The following ZFHX3 variants were observed in gnomAD, a reference collection of about 807,000 sequenced individuals.
The protein encoded by ZFHX3 is zinc finger homeobox 3, also known as zinc finger homeobox protein 3.
A neutral mutation model predicts 279.1 loss-of-function variants in ZFHX3; 42 were observed. The ratio of observed to expected loss-of-function variants is 0.15; its 90% CI spans 0.12 to 0.19. The LOEUF is 0.19. ZFHX3 is among the 10% of genes least tolerant of loss of function. The pLI is 1.00. For synonymous variants in ZFHX3, 2,293 were observed against 1,957.8 expected (o/e 1.17, Z -4.52); for missense variants, 4,981 against 4,754.0 (o/e 1.05, Z -1.40).
At chr16:73,612,746 G>A (rs968972614) in intron 2 of ZFHX3, among the ~76,000 whole-genome samples, 4 of 152,026 alleles carry the variant, frequency 2.6e-5, no homozygotes, top group Non-Finnish European at 5.9e-5. Context: ...CAAACTACAA[G>A]AAAACTCATA....
intron 5 of ZFHX3, among the ~76,000 whole-genome samples, chr16:73,145,146 T>A (rs1046200939): frequency 6.6e-6 from 1 of 152,136 alleles, no homozygotes; most frequent in Non-Finnish European, 1.5e-5. Context: ...ACCTTTGCCA[T>A]CTTAGGTTCA....
intron 5 of ZFHX3, among the ~76,000 whole-genome samples, chr16:73,192,986 T>C (rs899130651): frequency 6.6e-6 from 1 of 152,172 alleles, no homozygotes; most frequent in Non-Finnish European, 1.5e-5. Context: ...AATAGCCACC[T>C]CATTGGGTTG....
At chr16:72,970,368 A>G (rs576059644) in intron 1 of ZFHX3, among the ~76,000 whole-genome samples, 1 of 152,270 alleles carries the variant, frequency 6.6e-6, no homozygotes, top group South Asian at 2.1e-4. Flanking sequence ...TTAAACAGCT[A>G]TAGTAACTGT....
chr16:72,906,645 A>G (rs1190893322), intron 3 of ZFHX3, among the ~76,000 whole-genome samples: 1 of 152,088 alleles, frequency 6.6e-6, no homozygotes, highest in African/African-American at 2.4e-5. Flanking sequence ...AAAAAGTACA[A>G]AAATTAGCCA....
chr16:73,486,417 G>A (rs2018974822), intron 2 of ZFHX3, among the ~76,000 whole-genome samples: 2 of 150,398 alleles, frequency 1.3e-5, no homozygotes, highest in Admixed American at 6.7e-5. Context: ...TTGCTTTGTT[G>A]CTTCATTCTT....
chr16:72,992,322 A>G (rs1963122383), intron 1 of ZFHX3, among the ~76,000 whole-genome samples: 1 of 152,152 alleles, frequency 6.6e-6, no homozygotes, highest in African/African-American at 2.4e-5. Context: ...AGGATCCTAC[A>G]GCCCAGAGCC....
chr16:73,499,592 A>G (rs2019200536), intron 2 of ZFHX3: 1 of 152,242 alleles, frequency 6.6e-6, no homozygotes, highest in Admixed American at 6.5e-5. Context: ...ACGCAGCTTT[A>G]CACTAGAACC....
At chr16:73,310,012 G>GATTCAAACA (rs1280217597) in intron 4 of ZFHX3, among the ~76,000 whole-genome samples, 4 of 145,948 alleles carry the variant, frequency 2.7e-5, no homozygotes, top group Admixed American at 2.1e-4. Flanking sequence ...AGGTTCAAGC[G>GATTCAAACA]ATTCTCCTGC....
At chr16:73,079,384 G>A (rs1965920333) in intron 8 of ZFHX3, among the ~76,000 whole-genome samples, 1 of 152,104 alleles carries the variant, frequency 6.6e-6, no homozygotes, top group African/African-American at 2.4e-5. Context: ...CATTAGATAG[G>A]AATGGTGGCA....
Position 73,487,334 on chromosome 16 carries a change from C to G in ZFHX3, c.-1546-31076G>C, listed in dbSNP as rs974825995. 7 of 339,858 alleles carry G rather than the reference C, an allele frequency of 2.1e-5. No homozygotes were observed. The East Asian group carries it at 4.9e-4, about 24-fold the overall frequency. The allele number at this position is 339,858 out of a possible 1,614,324, so 21.1% of individuals were successfully genotyped here. On this transcript the variant is annotated intron_variant, in intron 2 of 17. Coordinates refer to the ZFHX3 transcript ENST00000641206. ...GCAGTTACTCAAATGTCTTCTGAAC[C>G]CATCTCAGGAGGACTCTTACTAAGG...
chr16:73,415,593 T>A (rs112244300), intron 3 of ZFHX3, among the ~76,000 whole-genome samples: 1 of 152,310 alleles, frequency 6.6e-6, no homozygotes, highest in African/African-American at 2.4e-5. Context: ...CCAATGTATT[T>A]CTCCGTGTGG....
intron 5 of ZFHX3, among the ~76,000 whole-genome samples, chr16:73,251,597 C>T (rs1401750710): frequency 6.6e-6 from 1 of 152,112 alleles, no homozygotes; most frequent in Non-Finnish European, 1.5e-5. Flanking sequence ...TCTTCTTTCT[C>T]ATTCTTTCTG....
At chr16:73,361,610 A>C (rs1170625039) in intron 3 of ZFHX3, among the ~76,000 whole-genome samples, 1 of 152,252 alleles carries the variant, frequency 6.6e-6, no homozygotes, top group East Asian at 1.9e-4. Context: ...AAAAAATAGA[A>C]TACTACAGAT....
intron 5 of ZFHX3, among the ~76,000 whole-genome samples, chr16:72,812,825 T>C (rs546474031): frequency 3.0e-4 from 46 of 152,276 alleles, no homozygotes; most frequent in Non-Finnish European, 4.7e-4. Flanking sequence ...CCCATGAGGA[T>C]TGAGCAGCAG....
intron 5 of ZFHX3, among the ~76,000 whole-genome samples, chr16:73,255,538 A>G (rs1002823756): frequency 6.6e-6 from 1 of 152,188 alleles, no homozygotes; most frequent in Non-Finnish European, 1.5e-5. Flanking sequence ...CAGCAACACT[A>G]TATTCTTAAG....
chr16:73,467,122 C>A (rs573130011), intron 2 of ZFHX3, among the ~76,000 whole-genome samples: 3 of 152,232 alleles, frequency 2.0e-5, no homozygotes, highest in Admixed American at 2.0e-4. Flanking sequence ...CTAAAGGGAA[C>A]TGAGTGATCT....
At chr16:73,846,932 G>A (rs1426628350) in intron 1 of ZFHX3, among the ~76,000 whole-genome samples, 2 of 151,498 alleles carry the variant, frequency 1.3e-5, no homozygotes, top group Non-Finnish European at 2.9e-5. Flanking sequence ...TTTTTAAATA[G>A]TTTTTTTTTC....
At chr16:73,800,417 A>G (rs907747643) in intron 1 of ZFHX3, among the ~76,000 whole-genome samples, 1 of 151,988 alleles carries the variant, frequency 6.6e-6, no homozygotes, top group Non-Finnish European at 1.5e-5. Flanking sequence ...GGGTTTCACC[A>G]TATTGGTCAG....
chr16:72,872,601 G>A (rs948580139), intron 4 of ZFHX3, among the ~76,000 whole-genome samples: 9 of 152,088 alleles, frequency 5.9e-5, no homozygotes, highest in African/African-American at 1.9e-4. Flanking sequence ...GAGACTACAG[G>A]CACGCGCCAC....
Sources: allele counts gnomAD v4.1 joint callset (sites outside exome capture counted in the v4.1 genomes callset), GRCh38; gene constraint gnomAD v4.1.1; transcripts MANE v1.5; gene names NCBI Gene and HGNC (gene_info 2026-07-23, HGNC 2026-07-21).